Variants in SPMIP10 observed in about 807,000 individuals in gnomAD.
The protein encoded by SPMIP10 is sperm microtubule inner protein 10.
At chr5:126,632,559 C>G in the SPMIP10 span, 12 of 1,598,200 alleles carry the variant, frequency 7.5e-6, no homozygotes, top group South Asian at 6.6e-5. Context: ...TGAAGAGATT[C>G]ATTTGCCACG....
chr5:126,634,482 C>T, the SPMIP10 span, among the ~76,000 whole-genome samples: 64 of 152,124 alleles, frequency 4.2e-4, no homozygotes, highest in African/African-American at 1.5e-3. Flanking sequence ...TATTAGTCTG[C>T]ATTTCATGTA....
At chr5:126,633,543 A>C in the SPMIP10 span, among the ~76,000 whole-genome samples, 3 of 152,044 alleles carry the variant, frequency 2.0e-5, no homozygotes, top group African/African-American at 7.2e-5. Flanking sequence ...GATTTTTAGT[A>C]GAGATGGGGT....
chr5:126,633,034 A>ATATATAG, the SPMIP10 span, among the ~76,000 whole-genome samples: 7 of 108,300 alleles, frequency 6.5e-5, no homozygotes, highest in Non-Finnish European at 3.3e-5. Flanking sequence ...TATATATATA[A>ATATATAG]TTTAGTATGT....
chr5:126,634,806 G>A, the SPMIP10 span, among the ~76,000 whole-genome samples: 1 of 152,108 alleles, frequency 6.6e-6, no homozygotes, highest in African/African-American at 2.4e-5. Context: ...GCTAACTTAT[G>A]CTTTCCTTCC....
the SPMIP10 span, among the ~76,000 whole-genome samples, chr5:126,633,476 C>A: frequency 6.6e-6 from 1 of 152,092 alleles, no homozygotes; most frequent in African/African-American, 2.4e-5. Context: ...CCTCCTGCCT[C>A]AGTCTCCCAA....
the SPMIP10 span, chr5:126,632,475 C>T: frequency 2.3e-6 from 2 of 866,372 alleles, no homozygotes; most frequent in East Asian, 2.5e-5. Context: ...CAACTGCCTC[C>T]AGTGCCTGGA....
At chr5:126,632,345 C>G in the SPMIP10 span, among the ~76,000 whole-genome samples, 2 of 141,968 alleles carry the variant, frequency 1.4e-5, no homozygotes, top group Non-Finnish European at 3.0e-5. Context: ...GTTAGAATTA[C>G]AGATACCTGG....
the SPMIP10 span, among the ~76,000 whole-genome samples, chr5:126,635,354 T>C: frequency 6.6e-6 from 1 of 152,148 alleles, no homozygotes; most frequent in Non-Finnish European, 1.5e-5. Context: ...CATCATACTT[T>C]AAACCTTTTT....
the SPMIP10 span, among the ~76,000 whole-genome samples, chr5:126,635,307 C>T: frequency 1.3e-5 from 2 of 151,898 alleles, no homozygotes; most frequent in Non-Finnish European, 2.9e-5. Flanking sequence ...TAACTTCAAA[C>T]AGTTGTTATT....
chr5:126,633,312 T>C, the SPMIP10 span, among the ~76,000 whole-genome samples: 2 of 152,098 alleles, frequency 1.3e-5, no homozygotes. Context: ...AGTTTACACA[T>C]GATTTACCCA....
At chr5:126,636,003 G>A in the SPMIP10 span, 151 of 1,542,268 alleles carry the variant, frequency 9.8e-5, no homozygotes, top group East Asian at 3.3e-3. Context: ...TGTTTGATGT[G>A]ATACACAGAA....
At chr5:126,631,706 GA>G in the SPMIP10 span, 1 of 1,431,528 alleles carries the variant, frequency 7.0e-7, no homozygotes, top group Non-Finnish European at 9.8e-7. Flanking sequence ...TGAAGTTTTA[GA>G]TGAGTATTCC....
At chr5:126,632,351 C>A in the SPMIP10 span, among the ~76,000 whole-genome samples, 1 of 149,556 alleles carries the variant, frequency 6.7e-6, no homozygotes, top group South Asian at 2.1e-4. Context: ...ATTACAGATA[C>A]CTGGCCCTGA....
chr5:126,633,008 C>CGTATATATATATATATATATATATAT, the SPMIP10 span, among the ~76,000 whole-genome samples: 1 of 125,334 alleles, frequency 8.0e-6, no homozygotes, highest in African/African-American at 3.9e-5. Flanking sequence ...ATAAATTTTA[C>CGTATATATATATATATATATATATAT]ATATATATAT....
At chr5:126,632,660 T>G in the SPMIP10 span, 3 of 1,514,322 alleles carry the variant, frequency 2.0e-6, no homozygotes, top group Non-Finnish European at 2.8e-6. Flanking sequence ...TGAAGGTATT[T>G]CCCCATAAGC....
At chr5:126,632,258 TAAAAAAAAAAAA>T in the SPMIP10 span, among the ~76,000 whole-genome samples, 48 of 57,192 alleles carry the variant, frequency 8.4e-4, no homozygotes, top group Admixed American at 2.5e-3. Flanking sequence ...TCCATCTCAT[TAAAAAAAAAAAA>T]AAAAAAAAAA....
At chr5:126,632,438 A>G in the SPMIP10 span, 1 of 679,680 alleles carries the variant, frequency 1.5e-6, no homozygotes, top group East Asian at 2.7e-5. Flanking sequence ...TCTGTCCTGC[A>G]ACAGCAGGGG....
At chr5:126,633,648 C>A in the SPMIP10 span, among the ~76,000 whole-genome samples, 2 of 152,072 alleles carry the variant, frequency 1.3e-5, no homozygotes, top group Non-Finnish European at 2.9e-5. Context: ...GAGTTAGCCA[C>A]CACACCGGGC....
the SPMIP10 span, among the ~76,000 whole-genome samples, chr5:126,635,827 T>A: frequency 6.7e-6 from 1 of 148,184 alleles, no homozygotes; most frequent in African/African-American, 2.6e-5. Flanking sequence ...GACACCCACC[T>A]AATTTTTTAT....
Sources: allele counts gnomAD v4.1 joint callset (sites outside exome capture counted in the v4.1 genomes callset), GRCh38; gene constraint gnomAD v4.1.1; transcripts MANE v1.5; gene names NCBI Gene and HGNC (gene_info 2026-07-23, HGNC 2026-07-21).